Variants in ERVMER34-1 observed in about 807,000 individuals in gnomAD.
ERVMER34-1 encodes the protein endogenous retroviral envelope protein HEMO.
For synonymous variants in ERVMER34-1, 199 were observed against 111.7 expected, an observed-to-expected ratio of 1.78 and a Z score of -4.93; for missense variants, 471 against 295.1, an observed-to-expected ratio of 1.60 and a Z score of -4.37.
chr4:52,749,362 C>T (rs367557035), intron 2 of ERVMER34-1, among the ~76,000 whole-genome samples: 34 of 152,252 alleles, frequency 2.2e-4, no homozygotes, highest in African/African-American at 7.7e-4. Context: ...CAGACCAACC[C>T]CTCCTCATCT....
rs1415136410 is a variant in ERVMER34-1, at chr4:52,744,616, C to T, written c.905G>A (p.Gly302Asp). 4.3e-6 allele frequency: 3 copies of T among 703,862 alleles called. No homozygotes were observed. The highest frequency in any genetic ancestry group is 7.8e-6 in the Non-Finnish European group (3 of 384,992). The allele number at this position is 703,862 out of a possible 1,614,324, so 43.6% of individuals were successfully genotyped here. A position where few individuals can be genotyped will look rare whatever the true frequency, so the allele number is the denominator to read the frequency against. Residue 302 changes from glycine (G) to aspartate (D), a missense_variant, in exon 3 of 3, where the codon GGC becomes GAC. Transcript: ENST00000443173. ...VNNSGLFFLC[G>D]NGVYKGFPPK... ...TGGAAACCCTTTGTACACCCCATTG[C>T]CGCACAAAAAAAAGAGGCCAGAGTT...
chr4:52,744,441 T>C lies in ERVMER34-1; in HGVS notation c.1080A>G (p.Pro360=), dbSNP rs1716092499. ...TGTCCTTGGGGTTGCAATACAGAGGTGGATTGTCTGTGTCTCCTTGGGTGC... is the reference window on the plus strand; with the variant it reads ...TGTCCTTGGGGTTGCAATACAGAGGCGGATTGTCTGTGTCTCCTTGGGTGC... ...HRCTQGDTDN[P]PLYCNPKDNS... is the part of the protein sequence containing the mutation. The change falls in exon 3 of 3, where the codon CCA becomes CCG. Residue 360 remains proline, a synonymous_variant. Coordinates refer to ENST00000443173, the MANE Select transcript of ERVMER34-1 (RefSeq NM_001242690.2). The C allele has an allele frequency of 2.8e-6, 2 of 703,900 alleles. No individual in the cohort carries two copies. The highest frequency in any genetic ancestry group is 5.2e-6 in the Non-Finnish European group (2 of 384,998). 43.6% of individuals were successfully genotyped at this position (703,900 alleles called of 1,614,324 possible). A position where few individuals can be genotyped will look rare whatever the true frequency, so the allele number is the denominator to read the frequency against.
chr4:52,744,923 C>A lies in ERVMER34-1; in HGVS notation c.598G>T (p.Val200Phe), dbSNP rs1317282432. 1 of 704,130 alleles carries A rather than the reference C, an allele frequency of 1.4e-6. No homozygotes were observed. Among genetic ancestry groups the A allele is most frequent in the South Asian group, 1.5e-5 (1 of 67,600 alleles). The allele number at this position is 704,130 out of a possible 1,614,324, so 43.6% of individuals were successfully genotyped here. A position where few individuals can be genotyped will look rare whatever the true frequency, so the allele number is the denominator to read the frequency against. ...GTATTGGGCAGACCAATCAAGGGAA[C>A]AGCTGAGCTGTTCCAGGTCCGGTTT... ...CTNRTWNSSA[V>F]PLIGLPNTQD... The change falls in exon 3 of 3, where the codon GTT becomes TTT. Residue 200 changes from valine (V) to phenylalanine (F), a missense_variant. By Grantham distance (50) the Val-to-Phe change is conservative. Transcript: ENST00000443173.
Position 52,744,261 on chromosome 4 carries a change from G to C in ERVMER34-1, c.1260C>G (p.Ser420=). The C allele has an allele frequency of 4.3e-6, 3 of 704,104 alleles. No individual in the cohort carries two copies. Among genetic ancestry groups the C allele is most frequent in the Non-Finnish European group, 5.2e-6 (2 of 385,002 alleles). 43.6% of individuals were successfully genotyped at this position (704,104 alleles called of 1,614,324 possible). A position where few individuals can be genotyped will look rare whatever the true frequency, so the allele number is the denominator to read the frequency against. ...QSKVSSLASA[S]RKDHVLDIPT... is the part of the protein sequence containing the mutation. ...GTATATCCAAGACATGATCCTTTCG[G>C]GATGCAGAGGCTAAACTGCTAACTT... Residue 420 remains serine (S), a synonymous_variant, in exon 3 of 3, where the codon TCC becomes TCG. Transcript: ENST00000443173.
Position 52,745,560 on chromosome 4 carries a change from A to G in ERVMER34-1, c.-40T>C. On this transcript the variant is annotated 5_prime_UTR_variant, in exon 3 of 3. Transcript: ENST00000443173. ...CTAGATTAAAACAAGCAAACTCCAG[A>G]CAATGGAGATTCAATGAAAGGGGAG... 2 of 676,170 alleles carry G rather than the reference A, an allele frequency of 3.0e-6. No homozygotes were observed. Among genetic ancestry groups the G allele is most frequent in the South Asian group, 3.1e-5 (2 of 63,700 alleles). The allele number at this position is 676,170 out of a possible 1,614,324, so 41.9% of individuals were successfully genotyped here. A position where few individuals can be genotyped will look rare whatever the true frequency, so the allele number is the denominator to read the frequency against.
In ERVMER34-1 at chr4:52,745,263, T is replaced by G; in HGVS notation, c.258A>C (p.Glu86Asp). The G allele has an allele frequency of 1.4e-6, 1 of 704,040 alleles. No individual in the cohort carries two copies. The highest frequency in any genetic ancestry group is 2.6e-6 in the Non-Finnish European group (1 of 384,998). The allele number at this position is 704,040 out of a possible 1,614,324, so 43.6% of individuals were successfully genotyped here. The change falls in exon 3 of 3, where the codon GAA (glutamate) becomes GAC (aspartate). Residue 86 changes from glutamate (E) to aspartate (D), a missense_variant. By Grantham distance (45) the Glu-to-Asp change is conservative. Coordinates refer to ENST00000443173, the MANE Select transcript of ERVMER34-1 (RefSeq NM_001242690.2). ...AGGAGGAAGTAGAGTGATTCTGTAC[T>G]TCTGCTTGTGGATACCACACCCTTT... ...MYERVWYPQA[E>D]VQNHSTSSYR... is the part of the protein sequence containing the mutation.
At chr4:52,748,763 C>T (rs1403706302) in intron 2 of ERVMER34-1, among the ~76,000 whole-genome samples, 1 of 152,168 alleles carries the variant, frequency 6.6e-6, no homozygotes, top group Non-Finnish European at 1.5e-5. Context: ...TTTGACAAGC[C>T]TTTCCGTGTA....
In ERVMER34-1 at chr4:52,745,424, G is replaced by A. The variant is rs375559295; in HGVS notation, c.97C>T (p.Arg33Trp). 61 of 704,066 alleles carry A rather than the reference G, an allele frequency of 8.7e-5. No individual in the cohort carries two copies. The highest frequency in any genetic ancestry group is 8.0e-4 in the East Asian group (30 of 37,284). The allele number at this position is 704,066 out of a possible 1,614,324, so 43.6% of individuals were successfully genotyped here. A position where few individuals can be genotyped will look rare whatever the true frequency, so the allele number is the denominator to read the frequency against. ...QPQHLLAPVF[R>W]TLSILTNQSN... is the part of the protein sequence containing the mutation. ...TGATTAGTCAAGATAGATAGTGTCC[G>A]GAAAACTGGAGCAAGCAGGTGCTGA... Residue 33 changes from arginine to tryptophan, a missense_variant, in exon 3 of 3, where the codon CGG becomes TGG. Arg to Trp is a moderately radical substitution (Grantham distance 101). Coordinates refer to ENST00000443173, the MANE Select transcript of ERVMER34-1 (RefSeq NM_001242690.2).
rs1716055987 is a variant in ERVMER34-1 at position 52,743,065 on chromosome 4, C to A, written c.*764G>T. The A allele has an allele frequency of 6.6e-6, 1 of 151,492 alleles. No individual in the cohort carries two copies. The highest frequency in any genetic ancestry group is 1.5e-5 in the Non-Finnish European group (1 of 67,964). The allele number at this position is 151,492 out of a possible 1,614,324, so 9.4% of individuals were successfully genotyped here. The stretch of plus-strand genomic sequence containing the variant: ...ACCGAGAGGATTAACTAGAAAGATG[C>A]ATGTAAGGAACTCACCAGAGGACTG... On this transcript the variant is annotated 3_prime_UTR_variant, in exon 3 of 3. Coordinates refer to ENST00000443173, the MANE Select transcript of ERVMER34-1 (RefSeq NM_001242690.2).
rs538893258 is a variant in ERVMER34-1, at chr4:52,746,189, T to G, written c.-423-246A>C. 5.3e-5 allele frequency among the ~76,000 whole-genome samples: 8 copies of G among 152,284 alleles called. No individual in the cohort carries two copies. The South Asian group carries it at 1.7e-3, about 32-fold the overall frequency. ...GTATTCCAGACCTTTTTTGTTTGTT[T>G]CTTATTTTTTGTAGCGATGGAGGTC... is the stretch of plus-strand genomic sequence containing the variant. On this transcript the variant is annotated intron_variant, in intron 2 of 2. Transcript: ENST00000443173.
chr4:52,751,115 C>G (rs1407638441), intron 1 of ERVMER34-1, 46 bp from the exon 2 acceptor site: 1 of 152,208 alleles, frequency 6.6e-6, no homozygotes, highest in African/African-American at 2.4e-5. Context: ...GGACCTGCCC[C>G]GGGATTCTCC....
Position 52,744,029 on chromosome 4 carries a change from GAAC to G in ERVMER34-1, c.1489_1491del (p.Val497del). On this transcript the variant is annotated inframe_deletion, in exon 3 of 3. Coordinates refer to ENST00000443173, the MANE Select transcript of ERVMER34-1 (RefSeq NM_001242690.2). The stretch of plus-strand genomic sequence containing the variant: ...AAAACAAAGATGAATAAGCAGAAAA[GAAC>G]AATTAAAAGCACATAGCCCCATGAT... 1 of 712,128 alleles carries G rather than the reference GAAC, an allele frequency of 1.4e-6. No individual in the cohort carries two copies. The highest frequency in any genetic ancestry group is 1.5e-5 in the South Asian group (1 of 67,756). The allele number at this position is 712,128 out of a possible 1,614,324, so 44.1% of individuals were successfully genotyped here.
Position 52,745,301 on chromosome 4 carries a change from G to A in ERVMER34-1, c.220C>T (p.Gln74Ter). The change falls in exon 3 of 3, where the codon CAA becomes TAA. Residue 74 changes from glutamine (Q) to a stop codon, truncating the protein, a stop_gained. Coordinates refer to ENST00000443173, the MANE Select transcript of ERVMER34-1 (RefSeq NM_001242690.2). LOFTEE classifies it low-confidence loss of function (END_TRUNC). ...SASTWWTYSG[Q>*]WMYERVWYPQ... is the part of the protein sequence containing the mutation. ...TACCACACCCTTTCATACATCCATT[G>A]TCCAGAATAGGTCCACCAGGTGCTT... The A allele has an allele frequency of 1.4e-6, 1 of 704,000 alleles. No individual in the cohort carries two copies. Among genetic ancestry groups the A allele is most frequent in the Non-Finnish European group, 2.6e-6 (1 of 385,006 alleles). 43.6% of individuals were successfully genotyped at this position (704,000 alleles called of 1,614,324 possible). A position where few individuals can be genotyped will look rare whatever the true frequency, so the allele number is the denominator to read the frequency against.
At chr4:52,747,919 C>T (rs1184020989) in intron 2 of ERVMER34-1, among the ~76,000 whole-genome samples, 2 of 152,178 alleles carry the variant, frequency 1.3e-5, no homozygotes, top group Non-Finnish European at 2.9e-5. Context: ...TGCCTGTAAT[C>T]CCAGCTACTC....
At position 52,744,855 on chromosome 4, in the gene ERVMER34-1, C is replaced by T. The variant is rs768167862; in HGVS notation, c.666G>A (p.Trp222Ter). Reference protein sequence around the residue: ...KWVDRNSGLTWSGNDTCLYSC... With the variant: ...KWVDRNSGLT The stretch of plus-strand genomic sequence containing the variant: ...TATAGAGACAGGTGTCATTACCTGA[C>T]CAGGTCAATCCAGAATTTCGATCTA... Residue 222 changes from tryptophan to a stop codon, truncating the protein, a stop_gained, in exon 3 of 3, where the codon TGG becomes TGA. Coordinates refer to ENST00000443173, the MANE Select transcript of ERVMER34-1 (RefSeq NM_001242690.2). LOFTEE classifies it low-confidence loss of function (END_TRUNC). 1.4e-6 allele frequency: 1 copy of T among 703,932 alleles called. No homozygotes were observed. The highest frequency in any genetic ancestry group is 1.5e-5 in the South Asian group (1 of 67,600). The allele number at this position is 703,932 out of a possible 1,614,324, so 43.6% of individuals were successfully genotyped here.
chr4:52,747,835 C>T (rs372104307), intron 2 of ERVMER34-1, among the ~76,000 whole-genome samples: 4 of 152,160 alleles, frequency 2.6e-5, no homozygotes, highest in East Asian at 3.9e-4. Context: ...GTTGGGAGGT[C>T]GAGACCAGCC....
In ERVMER34-1 at chr4:52,744,099, A is replaced by C; in HGVS notation, c.1422T>G (p.Leu474=). The change falls in exon 3 of 3, where the codon CTT becomes CTG. Residue 474 remains leucine (L), a synonymous_variant. Transcript: ENST00000443173. ...CTTTTGCAAATATGCCTTGCCAATC[A>C]AGTAACGGTACATTCTTCAGGTTCT... ...ASENLKNVPL[L]DWQGIFAKVG... 1 of 704,190 alleles carries C rather than the reference A, an allele frequency of 1.4e-6. No homozygotes were observed. Among genetic ancestry groups the C allele is most frequent in the South Asian group, 1.5e-5 (1 of 67,598 alleles). 43.6% of individuals were successfully genotyped at this position (704,190 alleles called of 1,614,324 possible).
chr4:52,746,193 A>AT (rs1200949611), intron 2 of ERVMER34-1, among the ~76,000 whole-genome samples: 1 of 151,952 alleles, frequency 6.6e-6, no homozygotes, highest in East Asian at 1.9e-4. Flanking sequence ...TTTGTTTCTT[A>AT]TTTTTTGTAG....
intron 2 of ERVMER34-1, among the ~76,000 whole-genome samples, chr4:52,747,808 C>T (rs947874633): frequency 6.6e-6 from 1 of 152,178 alleles, no homozygotes; most frequent in Non-Finnish European, 1.5e-5. Flanking sequence ...GAAGCCAAGG[C>T]GGGCGGATCA....
Sources: allele counts gnomAD v4.1 joint callset (sites outside exome capture counted in the v4.1 genomes callset), GRCh38; gene constraint gnomAD v4.1.1; transcripts MANE v1.5; gene names NCBI Gene and HGNC (gene_info 2026-07-23, HGNC 2026-07-21).